TLCD4: variants seen among roughly 807,000 people sequenced by gnomAD.
TLCD4 encodes the protein TLC domain containing 4, also known as TLC domain-containing protein 4.
In TLCD4, 7 loss-of-function variants were observed where a neutral mutation model predicts 24.2. The ratio of observed to expected loss-of-function variants is 0.29; its 90% CI spans 0.16 to 0.54. The LOEUF (loss-of-function observed/expected upper bound fraction) is 0.54. TLCD4 is among the 20% of genes least tolerant of loss of function. The probability of loss-of-function intolerance (pLI) is 0.95; values close to 1 mark genes in which losing one functional copy is unlikely to be tolerated. For missense variants in TLCD4, 259 were observed against 313.9 expected, an observed-to-expected ratio of 0.82 and a Z score of 1.32; for synonymous variants, 103 against 106.4, an observed-to-expected ratio of 0.97 and a Z score of 0.20.
At chr1:95,094,498 C>T in the TLCD4 span, among the ~76,000 whole-genome samples, 1 of 152,200 alleles carries the variant, frequency 6.6e-6, no homozygotes, top group African/African-American at 2.4e-5. Flanking sequence ...CTTGCAAGGC[C>T]CAGTGAGATC....
chr1:95,187,590 A>G (rs764952175), intron 6 of TLCD4, among the ~76,000 whole-genome samples: 7 of 152,172 alleles, frequency 4.6e-5, no homozygotes, highest in Non-Finnish European at 8.8e-5. Context: ...TTAGGACTGC[A>G]TGCTGTGAAC....
chr1:95,172,885 G>C (rs1461578985), intron 5 of TLCD4, among the ~76,000 whole-genome samples: 1 of 152,076 alleles, frequency 6.6e-6, no homozygotes, highest in Non-Finnish European at 1.5e-5. Context: ...TGATTTAATT[G>C]GAAGTGCTGG....
At chr1:95,106,335 C>T in the TLCD4 span, among the ~76,000 whole-genome samples, 2 of 152,164 alleles carry the variant, frequency 1.3e-5, no homozygotes, top group African/African-American at 4.8e-5. Flanking sequence ...AGACTTTAAA[C>T]ATAATTTTCC....
chr1:95,097,306 T>G, the TLCD4 span, among the ~76,000 whole-genome samples: 1 of 152,240 alleles, frequency 6.6e-6, no homozygotes, highest in East Asian at 1.9e-4. Context: ...CCAAATTAAT[T>G]TCTGATATAG....
intron 5 of TLCD4, among the ~76,000 whole-genome samples, chr1:95,153,657 C>T (rs1557686170): frequency 6.6e-6 from 1 of 152,168 alleles, no homozygotes; most frequent in Non-Finnish European, 1.5e-5. Context: ...CAGACCACAT[C>T]CAAGACCATC....
chr1:95,149,746 A>G (rs528895842), intron 3 of TLCD4, among the ~76,000 whole-genome samples: 2 of 152,302 alleles, frequency 1.3e-5, no homozygotes, highest in Non-Finnish European at 2.9e-5. Context: ...AGTAAATTTC[A>G]TAACAAAGAT....
At chr1:95,170,886 A>C (rs1488271038) in intron 5 of TLCD4, among the ~76,000 whole-genome samples, 1 of 152,120 alleles carries the variant, frequency 6.6e-6, no homozygotes, top group Non-Finnish European at 1.5e-5. Flanking sequence ...TCTTTTGAGA[A>C]AACTCACCTA....
intron 5 of TLCD4, among the ~76,000 whole-genome samples, chr1:95,155,042 G>A (rs892866482): frequency 1.3e-5 from 2 of 151,886 alleles, no homozygotes; most frequent in Non-Finnish European, 2.9e-5. Flanking sequence ...GTGTAGTGTA[G>A]TATAGTAGGG....
At chr1:95,168,606 T>A (rs1678102172) in intron 5 of TLCD4, among the ~76,000 whole-genome samples, 1 of 142,336 alleles carries the variant, frequency 7.0e-6, no homozygotes, top group African/African-American at 2.5e-5. Context: ...CTCACTAATG[T>A]TGCCTTGGCT....
At chr1:95,189,313 T>A (rs1190343914) in intron 6 of TLCD4, among the ~76,000 whole-genome samples, 1 of 152,186 alleles carries the variant, frequency 6.6e-6, no homozygotes, top group Non-Finnish European at 1.5e-5. Flanking sequence ...TCTACCTTAC[T>A]CCTTTCAGGG....
At chr1:95,105,826 C>T in the TLCD4 span, among the ~76,000 whole-genome samples, 5 of 139,636 alleles carry the variant, frequency 3.6e-5, no homozygotes, top group African/African-American at 5.2e-5. Context: ...ACCCGCGAGG[C>T]GGAGTTTGCA....
upstream of TLCD4, among the ~76,000 whole-genome samples, chr1:95,114,582 C>T (rs1376688827): frequency 5.3e-5 from 8 of 152,156 alleles, no homozygotes. Context: ...GTAATCCCAG[C>T]ACTTTGGGAA....
chr1:95,160,149 T>C (rs373446143), intron 5 of TLCD4, among the ~76,000 whole-genome samples: 1 of 152,234 alleles, frequency 6.6e-6, no homozygotes, highest in Admixed American at 6.5e-5. Flanking sequence ...CATGGAATGC[T>C]CTTCCATTTG....
At chr1:95,097,451 T>C in the TLCD4 span, among the ~76,000 whole-genome samples, 7 of 152,252 alleles carry the variant, frequency 4.6e-5, no homozygotes, top group Non-Finnish European at 1.0e-4. Context: ...TAAACTTCAC[T>C]CTAGTATCAG....
intron 6 of TLCD4, among the ~76,000 whole-genome samples, chr1:95,175,091 T>A (rs1210836063): frequency 6.6e-6 from 1 of 152,198 alleles, no homozygotes; most frequent in Admixed American, 6.5e-5. Context: ...CAACCATTTT[T>A]AAGAATACAG....
At chr1:95,160,563 G>C (rs1252080935) in intron 5 of TLCD4, among the ~76,000 whole-genome samples, 1 of 152,162 alleles carries the variant, frequency 6.6e-6, no homozygotes, top group Non-Finnish European at 1.5e-5. Flanking sequence ...AGTGGTGAGA[G>C]AGGGCATCCC....
chr1:95,148,564 A>C, intron 2 of TLCD4, 138 bp from the exon 3 acceptor site: 1 of 1,166,598 alleles, frequency 8.6e-7, no homozygotes, highest in East Asian at 2.6e-5. Flanking sequence ...GCAATTTTGC[A>C]TTATACTCTC....
At chr1:95,176,886 C>G (rs1343986535) in intron 6 of TLCD4, among the ~76,000 whole-genome samples, 1 of 152,196 alleles carries the variant, frequency 6.6e-6, no homozygotes, top group Non-Finnish European at 1.5e-5. Context: ...CACATTTGTT[C>G]AAGAGACTAT....
At chr1:95,174,830 C>G (rs893706230) in intron 6 of TLCD4, among the ~76,000 whole-genome samples, 1 of 152,148 alleles carries the variant, frequency 6.6e-6, no homozygotes, top group Admixed American at 6.5e-5. Flanking sequence ...GGCTAGAGTG[C>G]AATGGCGCCA....
Sources: allele counts gnomAD v4.1 joint callset (sites outside exome capture counted in the v4.1 genomes callset), GRCh38; gene constraint gnomAD v4.1.1; transcripts MANE v1.5; gene names NCBI Gene and HGNC (gene_info 2026-07-23, HGNC 2026-07-21).